The following GATM variants were observed in gnomAD, a reference collection of about 807,000 sequenced individuals.
GATM encodes the protein glycine amidinotransferase, mitochondrial.
A neutral mutation model predicts 54.2 loss-of-function variants in GATM; 23 were observed. The observed-to-expected ratio is 0.42, with a 90% CI of 0.31 to 0.60. GATM has a LOEUF of 0.60. GATM is among the 20% of genes least tolerant of loss of function. GATM has a pLI of 0.14. For synonymous variants in GATM, 168 were observed against 183.1 expected (o/e 0.92, Z 0.67); for missense variants, 401 against 544.9 (o/e 0.74, Z 2.63).
Position 45,363,932 on chromosome 15 carries a change from T to C in GATM, c.1127A>G (p.Glu376Gly). ...TTCAAACATCTTTTGAATTGGAACT[T>C]CATTGGCATCCACCATAACACGTTT... ...DEKRVMVDAN[E>G]VPIQKMFEKL... The change falls in exon 8 of 9, where the codon GAA becomes GGA. Residue 376 changes from glutamate (E) to glycine (G), a missense_variant. Physicochemically the swap from Glu to Gly is moderately conservative, Grantham distance 98. Around this residue, in one of 3 missense-constraint regions of GATM, gnomAD observed 321 missense variants for 457.5 expected, o/e 0.70. Transcript: ENST00000396659. 3 of 1,612,970 alleles carry C rather than the reference T, an allele frequency of 1.9e-6. No homozygotes were observed. The highest frequency in any genetic ancestry group is 2.5e-6 in the Non-Finnish European group (3 of 1,179,172).
Position 45,367,979 on chromosome 15 carries a change from A to T in GATM, c.675+91T>A, listed in dbSNP as rs1889475144. The T allele has an allele frequency of 5.2e-5, 58 of 1,105,862 alleles. 5 individuals are homozygous for T. In the South Asian group the frequency reaches 7.6e-4, roughly 15 times the overall value. 68.5% of individuals were successfully genotyped at this position (1,105,862 alleles called of 1,614,324 possible). A position where few individuals can be genotyped will look rare whatever the true frequency, so the allele number is the denominator to read the frequency against. ...ATGTTTTCGGTTTCTAAAATGCATAATATATACAAGGTATCAGAGAATCTC... is the reference window on the plus strand; with the variant it reads ...ATGTTTTCGGTTTCTAAAATGCATATTATATACAAGGTATCAGAGAATCTC... On this transcript the variant is annotated intron_variant, in intron 4 of 8. Transcript: ENST00000396659.
At chr15:45,371,282 TAGCAA>T (rs1056403128) in intron 2 of GATM, among the ~76,000 whole-genome samples, 1 of 152,216 alleles carries the variant, frequency 6.6e-6, no homozygotes, top group Non-Finnish European at 1.5e-5. Context: ...ATCAAAAGAT[TAGCAA>T]AGCAATGTAC....
At chr15:45,367,273 A>G (rs957062603) in intron 4 of GATM, among the ~76,000 whole-genome samples, 5 of 151,920 alleles carry the variant, frequency 3.3e-5, no homozygotes, top group Non-Finnish European at 5.9e-5. Context: ...CCCGGGAGGC[A>G]GAGGCTGCAG....
In GATM at chr15:45,362,184, A is replaced by G. The variant is rs1225580016; in HGVS notation, c.1197T>C (p.Asn399=). The change falls in exon 9 of 9, where the codon AAT becomes AAC. Residue 399 remains asparagine (N), a synonymous_variant. Transcript: ENST00000396659. ...AGCAATGGAAGCCTCCTCCCAGGGA[A>G]TTGGCATTACGAATGTTAACTTTAA... ...TTIKVNIRNA[N]SLGGGFHCWT... 3.1e-6 allele frequency: 5 copies of G among 1,613,646 alleles called. No individual in the cohort carries two copies. In the Admixed American group the frequency reaches 5.0e-5, roughly 16 times the overall value.
rs375079073 is a variant in GATM, at chr15:45,375,253, T to C, written c.288+1348A>G. 8.0e-4 allele frequency among the ~76,000 whole-genome samples: 122 copies of C among 152,204 alleles called. 1 individual carries two copies. In the East Asian group the frequency reaches 9.3e-3, roughly 12 times the overall value. On this transcript the variant is annotated intron_variant, in intron 2 of 8. Coordinates refer to ENST00000396659, the MANE Select transcript of GATM (RefSeq NM_001482.3). ...GCCTGGCTAATTTTTGTATTTTTAG[T>C]GGAGACGGGGTTTCACCGTGTTAGC... is the stretch of plus-strand genomic sequence containing the variant.
chr15:45,388,012 T>C (rs971890082), intron 3 of GATM, among the ~76,000 whole-genome samples: 4 of 152,322 alleles, frequency 2.6e-5, no homozygotes, highest in South Asian at 4.1e-4. Flanking sequence ...AGTGTGATTA[T>C]ATTAATTTTT....
chr15:45,369,932 C>G (rs1889512135), intron 2 of GATM, among the ~76,000 whole-genome samples: 1 of 152,066 alleles, frequency 6.6e-6, no homozygotes, highest in African/African-American at 2.4e-5. Context: ...AATAAAAGCA[C>G]TTATACTAAG....
intron 4 of GATM, 121 bp from the exon 5 acceptor site, chr15:45,366,629 A>G: frequency 1.9e-6 from 2 of 1,070,986 alleles, no homozygotes; most frequent in Non-Finnish European, 2.8e-6. Flanking sequence ...ACTCAGTTCT[A>G]GACTAAAACA....
At position 45,362,131 on chromosome 15, in the gene GATM, G is replaced by T; in HGVS notation, c.1250C>A (p.Thr417Asn). The change falls in exon 9 of 9, where the codon ACC (threonine) becomes AAC (asparagine). Residue 417 changes from threonine (T) to asparagine (N), a missense_variant. This residue lies in a region of GATM where 321 missense variants were observed against 457.5 expected (regional missense o/e 0.70). Transcript: ENST00000396659. ...CWTCDVRRRG[T>N]LQSYLD ...TGTTCAGTCCAAGTAGGACTGTAAG[G>T]TGCCTCGGCGCCGGACATCGCAGGT... 6.2e-7 allele frequency: 1 copy of T among 1,612,826 alleles called. No individual in the cohort carries two copies. Among genetic ancestry groups the T allele is most frequent in the Non-Finnish European group, 8.5e-7 (1 of 1,178,898 alleles).
At chr15:45,399,984 G>A (rs1055667322) in intron 1 of GATM, among the ~76,000 whole-genome samples, 11 of 152,228 alleles carry the variant, frequency 7.2e-5, no homozygotes, top group African/African-American at 2.7e-4. Flanking sequence ...CACTTTGGGA[G>A]GCTGAGGCAG....
upstream of GATM, among the ~76,000 whole-genome samples, chr15:45,382,055 G>A (rs1007341700): frequency 1.5e-4 from 23 of 152,302 alleles, no homozygotes; most frequent in African/African-American, 5.3e-4. Context: ...TTAAAAGACT[G>A]CATTTGCAGG....
intron 3 of GATM, among the ~76,000 whole-genome samples, chr15:45,386,507 A>C (rs1271917397): frequency 6.6e-6 from 1 of 152,124 alleles, no homozygotes; most frequent in Non-Finnish European, 1.5e-5. Context: ...TCTGGGAGAA[A>C]ACCTCCCACA....
At chr15:45,402,222 G>A (rs1311296738), upstream of GATM, 2 of 663,552 alleles carry the variant, frequency 3.0e-6, no homozygotes, top group Admixed American at 3.9e-5. Context: ...TCGATTTCAC[G>A]AAAGCGGACA....
chr15:45,372,683 C>G (rs1889562360), intron 2 of GATM, among the ~76,000 whole-genome samples: 1 of 152,192 alleles, frequency 6.6e-6, no homozygotes, highest in Non-Finnish European at 1.5e-5. Flanking sequence ...TCCAAAGTAT[C>G]CTCCGTGACT....
In GATM at chr15:45,395,630, G is replaced by T. The variant is rs1889918928; in HGVS notation, c.-319+1292C>A. ...GCATAAATGTATGGACAGTGCTACA[G>T]GACCTCAGATTAAGACAAGAACAAT... On this transcript the variant is annotated intron_variant, in intron 3 of 4. Coordinates refer to the GATM transcript ENST00000561148. Among the ~76,000 whole-genome samples the T allele has an allele frequency of 2.0e-5, 3 of 152,080 alleles. No homozygotes were observed. The South Asian group carries it at 6.2e-4, about 31-fold the overall frequency.
rs963914583 is a variant in GATM at position 45,378,311 on chromosome 15, G to C, written c.69+74C>G. 5.4e-5 allele frequency: 65 copies of C among 1,201,576 alleles called. 1 individual carries two copies. Among genetic ancestry groups the C allele is most frequent in the Non-Finnish European group, 7.0e-5 (61 of 866,334 alleles). The allele number at this position is 1,201,576 out of a possible 1,614,324, so 74.4% of individuals were successfully genotyped here. On this transcript the variant is annotated intron_variant, in intron 1 of 8. Coordinates refer to ENST00000396659, the MANE Select transcript of GATM (RefSeq NM_001482.3). ...AAGGTGGCGGCTCCGGGCAGGGAGC[G>C]AGCGAGTGCTCCACGCCGCCCGCAG...
At chr15:45,373,341 C>CA (rs967066710) in intron 2 of GATM, 27 of 151,488 alleles carry the variant, frequency 1.8e-4, no homozygotes, top group South Asian at 1.7e-3. Flanking sequence ...ACTAAAAATA[C>CA]AAAAAAAACA....
At chr15:45,392,639 T>A (rs1889885227) in intron 3 of GATM, among the ~76,000 whole-genome samples, 1 of 152,326 alleles carries the variant, frequency 6.6e-6, no homozygotes, top group Non-Finnish European at 1.5e-5. Context: ...AGGGATGTAA[T>A]GTGGGGCCAC....
At chr15:45,388,833 T>C (rs1889836881) in intron 3 of GATM, among the ~76,000 whole-genome samples, 1 of 152,252 alleles carries the variant, frequency 6.6e-6, no homozygotes, top group African/African-American at 2.4e-5. Context: ...TGGTGTTTTT[T>C]CCTTTTCATA....
Sources: allele counts gnomAD v4.1 joint callset (sites outside exome capture counted in the v4.1 genomes callset), GRCh38; gene constraint gnomAD v4.1.1; regional missense constraint gnomAD v4.1.1; transcripts MANE v1.5; gene names NCBI Gene and HGNC (gene_info 2026-07-23, HGNC 2026-07-21).